Variants in CCDC171 observed in about 807,000 individuals in gnomAD.
CCDC171 encodes coiled-coil domain-containing protein 171.
Under a neutral mutation model 168.2 loss-of-function variants are expected in CCDC171, and 177 were observed. The observed-to-expected ratio is 1.05, with a 90% CI of 0.93 to 1.19. The LOEUF is 1.19. Among genes scored for constraint, CCDC171 ranks in the 50% most tolerant of loss-of-function variants. CCDC171 has a pLI of 0.00. For synonymous variants in CCDC171, 687 were observed against 540.8 expected (o/e 1.27, Z -3.75); for missense variants, 1,991 against 1,539.0 (o/e 1.29, Z -4.91).
chr9:15,647,504 A>T (rs1402135549), intron 7 of CCDC171, among the ~76,000 whole-genome samples: 6 of 152,206 alleles, frequency 3.9e-5, no homozygotes, highest in African/African-American at 7.2e-5. Flanking sequence ...CACTAGCAAG[A>T]CTAATAAAGA....
chr9:15,949,338 G>T (rs1216807832), intron 25 of CCDC171, among the ~76,000 whole-genome samples: 3 of 152,100 alleles, frequency 2.0e-5, no homozygotes, highest in African/African-American at 7.2e-5. Flanking sequence ...CTTTAAAGTA[G>T]TTTTTTCCAA....
chr9:16,042,337 A>T (rs955513491), upstream of CCDC171, among the ~76,000 whole-genome samples: 1 of 152,210 alleles, frequency 6.6e-6, no homozygotes, highest in African/African-American at 2.4e-5. Context: ...GAGGATCATG[A>T]GGATTCTGGC....
chr9:16,010,577 C>G (rs1431442314), intron 3 of CCDC171, among the ~76,000 whole-genome samples: 4 of 152,084 alleles, frequency 2.6e-5, no homozygotes, highest in Non-Finnish European at 5.9e-5. Context: ...AAAGAAATGG[C>G]CCACTCAGCT....
chr9:15,732,436 T>C (rs1387585006), intron 16 of CCDC171, among the ~76,000 whole-genome samples: 1 of 152,150 alleles, frequency 6.6e-6, no homozygotes, highest in African/African-American at 2.4e-5. Flanking sequence ...CCTAGCTGAA[T>C]AGCCTTGGTA....
intron 4 of CCDC171, among the ~76,000 whole-genome samples, chr9:15,590,855 T>C (rs1432265622): frequency 6.8e-6 from 1 of 147,328 alleles, no homozygotes; most frequent in African/African-American, 2.5e-5. Context: ...TTCTTTCTTT[T>C]TTCTTTCTTT....
At chr9:15,902,077 A>G (rs183871434) in intron 24 of CCDC171, among the ~76,000 whole-genome samples, 210 of 152,280 alleles carry the variant, frequency 1.4e-3, no homozygotes, top group Non-Finnish European at 2.4e-3. Flanking sequence ...CATTCTAGCT[A>G]GAAGATATTA....
In CCDC171 at chr9:16,055,483, G is replaced by A. The variant is rs1421047455; in HGVS notation, n.90-5163G>A. Among the ~76,000 whole-genome samples, 4 of 152,320 alleles carry A rather than the reference G, an allele frequency of 2.6e-5. No homozygotes were observed. The East Asian group carries it at 5.8e-4, about 22-fold the overall frequency. ...AACCTGCTGAGGGAGGGCTCTGGAA[G>A]CTTTCTGTGAGAGTGTGCCAGGCTC... is the stretch of plus-strand genomic sequence containing the variant. On this transcript the variant is annotated intron_variant and non_coding_transcript_variant, in intron 1 of 1. Transcript: ENST00000478913.
At chr9:15,874,993 C>T (rs551380953) in intron 24 of CCDC171, 2 of 164,574 alleles carry the variant, frequency 1.2e-5, no homozygotes, top group Non-Finnish European at 2.6e-5. Flanking sequence ...AAGCAAGTCT[C>T]AATTTGTTGC....
At chr9:15,635,962 C>T (rs2046170913) in intron 7 of CCDC171, among the ~76,000 whole-genome samples, 2 of 152,104 alleles carry the variant, frequency 1.3e-5, no homozygotes, top group Admixed American at 6.6e-5. Context: ...TATTGTCACT[C>T]TTTTATATTA....
chr9:15,753,502 C>G (rs1378116399), intron 18 of CCDC171, among the ~76,000 whole-genome samples: 1 of 152,066 alleles, frequency 6.6e-6, no homozygotes, highest in Non-Finnish European at 1.5e-5. Flanking sequence ...TTTTATAAAA[C>G]TAGGCAGTAA....
intron 25 of CCDC171, among the ~76,000 whole-genome samples, chr9:15,955,769 C>T (rs945714019): frequency 6.6e-6 from 1 of 152,182 alleles, no homozygotes; most frequent in South Asian, 2.1e-4. Flanking sequence ...CCTTGCTGCA[C>T]TATATTATAT....
intron 25 of CCDC171, among the ~76,000 whole-genome samples, chr9:15,950,154 G>A (rs1469961329): frequency 6.6e-6 from 1 of 152,130 alleles, no homozygotes; most frequent in African/African-American, 2.4e-5. Context: ...TCTGATTGGT[G>A]TACCTGAAAG....
intron 8 of CCDC171, among the ~76,000 whole-genome samples, chr9:15,657,997 A>T (rs1474335272): frequency 6.6e-6 from 1 of 152,194 alleles, no homozygotes; most frequent in Non-Finnish European, 1.5e-5. Context: ...ATTTGTTTAC[A>T]TATTGTTTAT....
Position 15,591,052 on chromosome 9 carries a change from T to G in CCDC171, c.353-314T>G, listed in dbSNP as rs368808131. Among the ~76,000 whole-genome samples, 119 of 152,096 alleles carry G rather than the reference T, an allele frequency of 7.8e-4. 1 individual carries two copies. Among genetic ancestry groups the G allele is most frequent in the African/African-American group, 2.7e-3 (110 of 41,494 alleles). Reference sequence around the variant, plus strand: ...TGAATAGGACAAAAACCAATAGAGTTGCAGCTGGTGCTAGAAGTGCACCTA... The same window carrying G: ...TGAATAGGACAAAAACCAATAGAGTGGCAGCTGGTGCTAGAAGTGCACCTA... On this transcript the variant is annotated intron_variant, in intron 4 of 25. Transcript: ENST00000380701.
intron 25 of CCDC171, among the ~76,000 whole-genome samples, chr9:15,946,827 T>C: frequency 6.6e-6 from 1 of 152,034 alleles, no homozygotes; most frequent in East Asian, 2.0e-4. Context: ...ATGGGCATTT[T>C]TGTACCTCTG....
At chr9:15,630,049 A>G (rs1024551505) in intron 7 of CCDC171, among the ~76,000 whole-genome samples, 9 of 152,216 alleles carry the variant, frequency 5.9e-5, no homozygotes, top group African/African-American at 1.9e-4. Flanking sequence ...GAAAGGAACA[A>G]CCGGTACCAG....
intron 7 of CCDC171, among the ~76,000 whole-genome samples, chr9:15,642,343 GTATATA>G (rs55976539): frequency 0.022 from 2,361 of 107,410 alleles, 71 homozygotes; most frequent in Non-Finnish European, 0.029. Context: ...GTGTGTGTGT[GTATATA>G]TATATATATA....
chr9:16,089,226 C>T, the CCDC171 span, among the ~76,000 whole-genome samples: 1 of 151,842 alleles, frequency 6.6e-6, no homozygotes, highest in African/African-American at 2.4e-5. Context: ...AGATTATAGA[C>T]TTAAACATAA....
the CCDC171 span, among the ~76,000 whole-genome samples, chr9:16,084,194 T>C: frequency 6.6e-6 from 1 of 152,202 alleles, no homozygotes; most frequent in African/African-American, 2.4e-5. Flanking sequence ...AGTTATCTTT[T>C]GGTCTTGAGT....
Sources: allele counts gnomAD v4.1 joint callset (sites outside exome capture counted in the v4.1 genomes callset), GRCh38; gene constraint gnomAD v4.1.1; transcripts MANE v1.5; gene names NCBI Gene and HGNC (gene_info 2026-07-23, HGNC 2026-07-21).